TGFBR3: variants seen among roughly 807,000 people sequenced by gnomAD.
TGFBR3 encodes transforming growth factor beta receptor 3, also known as transforming growth factor beta receptor type 3.
Under a neutral mutation model 87.9 loss-of-function variants are expected in TGFBR3, and 46 were observed. The ratio of observed to expected loss-of-function variants is 0.52; its 90% confidence interval spans 0.41 to 0.67. The LOEUF (loss-of-function observed/expected upper bound fraction) is 0.67. Ranked by LOEUF, TGFBR3 falls within the 30% of genes least tolerant of loss-of-function variation. TGFBR3 has a pLI of 0.00. For synonymous variants in TGFBR3, 381 were observed against 391.6 expected (o/e 0.97, Z 0.32); for missense variants, 866 against 1,041.9 (o/e 0.83, Z 2.32).
chr1:91,688,675 G>A lies in TGFBR3; in HGVS notation c.2438-4818C>T, dbSNP rs145317693. On this transcript the variant is annotated intron_variant, in intron 16 of 16. Coordinates refer to ENST00000212355, the MANE Select transcript of TGFBR3 (RefSeq NM_003243.5). ...CTGAAGTTTTGAATTAGGTGTGCCC[G>A]TCCCAACTCATCAGGCAGTTTTCAA... is the stretch of plus-strand genomic sequence containing the variant. 5.0e-3 allele frequency among the ~76,000 whole-genome samples: 760 copies of A among 152,212 alleles called. 5 individuals carry two copies. Among genetic ancestry groups the A allele is most frequent in the Non-Finnish European group, 8.8e-3 (600 of 68,016 alleles).
At chr1:91,798,692 G>A (rs920746199) in intron 2 of TGFBR3, among the ~76,000 whole-genome samples, 1 of 152,124 alleles carries the variant, frequency 6.6e-6, no homozygotes, top group African/African-American at 2.4e-5. Context: ...AGGGCTGTGG[G>A]TACTCATCTT....
intron 2 of TGFBR3, among the ~76,000 whole-genome samples, chr1:91,813,160 T>C (rs1490995762): frequency 1.3e-5 from 2 of 152,216 alleles, no homozygotes; most frequent in East Asian, 3.8e-4. Context: ...TCCTTCATGA[T>C]GCACAAACCT....
chr1:91,745,893 T>C (rs372345520), intron 4 of TGFBR3, among the ~76,000 whole-genome samples: 1 of 152,234 alleles, frequency 6.6e-6, no homozygotes, highest in Non-Finnish European at 1.5e-5. Flanking sequence ...CATGCATTCA[T>C]GAAACACAAA....
At chr1:91,707,304 C>T (rs1671830219) in intron 14 of TGFBR3, among the ~76,000 whole-genome samples, 1 of 152,196 alleles carries the variant, frequency 6.6e-6, no homozygotes. Context: ...TTTGAGGGAG[C>T]ACATTCATTC....
intron 2 of TGFBR3, among the ~76,000 whole-genome samples, chr1:91,896,413 G>A (rs138848519): frequency 2.0e-5 from 3 of 152,308 alleles, no homozygotes; most frequent in African/African-American, 7.2e-5. Flanking sequence ...AAGGTTCTGA[G>A]TGTTATGCAG....
intron 2 of TGFBR3, among the ~76,000 whole-genome samples, chr1:91,804,849 C>T (rs1024468038): frequency 3.3e-5 from 5 of 152,182 alleles, no homozygotes; most frequent in African/African-American, 9.7e-5. Flanking sequence ...GTCTTCCCTA[C>T]GCAATCTCTT....
At chr1:91,813,158 G>A (rs1557724256) in intron 2 of TGFBR3, among the ~76,000 whole-genome samples, 1 of 152,090 alleles carries the variant, frequency 6.6e-6, no homozygotes, top group Non-Finnish European at 1.5e-5. Flanking sequence ...CTTCCTTCAT[G>A]ATGCACAAAC....
chr1:91,875,780 CGGGCGGG>C (rs1678769104), intron 1 of TGFBR3, among the ~76,000 whole-genome samples: 1 of 6,892 alleles, frequency 1.5e-4, no homozygotes, highest in Non-Finnish European at 3.4e-4. Flanking sequence ...CCCAGCTACT[CGGGCGGG>C]GGGGGGGGGT....
At chr1:91,808,515 G>A (rs1022585664) in intron 2 of TGFBR3, among the ~76,000 whole-genome samples, 6 of 152,134 alleles carry the variant, frequency 3.9e-5, no homozygotes, top group Admixed American at 1.3e-4. Context: ...GCCCAGGCTG[G>A]AGCACAGTGG....
chr1:91,786,447 T>C (rs1438268326), intron 3 of TGFBR3, among the ~76,000 whole-genome samples: 2 of 152,034 alleles, frequency 1.3e-5, no homozygotes, highest in East Asian at 1.9e-4. Context: ...TGGCCAAATA[T>C]AGGGTTTAAA....
intron 16 of TGFBR3, among the ~76,000 whole-genome samples, chr1:91,693,855 T>C (rs559117466): frequency 6.6e-6 from 1 of 152,208 alleles, no homozygotes; most frequent in Non-Finnish European, 1.5e-5. Context: ...GATCTGAACA[T>C]GTCGGTATTC....
chr1:91,731,009 C>T (rs1483619785), intron 5 of TGFBR3, among the ~76,000 whole-genome samples: 1 of 152,214 alleles, frequency 6.6e-6, no homozygotes, highest in African/African-American at 2.4e-5. Flanking sequence ...TTTCCATCCA[C>T]GGGCTTAAAT....
At chr1:91,701,983 C>T (rs1476788851) in intron 14 of TGFBR3, among the ~76,000 whole-genome samples, 1 of 152,128 alleles carries the variant, frequency 6.6e-6, no homozygotes, top group African/African-American at 2.4e-5. Context: ...GTGTGTCTCA[C>T]GTGGTGGGTG....
intron 2 of TGFBR3, among the ~76,000 whole-genome samples, chr1:91,830,839 A>G (rs546104612): frequency 6.6e-6 from 1 of 152,148 alleles, no homozygotes; most frequent in East Asian, 1.9e-4. Flanking sequence ...TGGAAAAGTG[A>G]GTGTGGAGTT....
chr1:91,684,935 A>G (rs185790310), intron 16 of TGFBR3, among the ~76,000 whole-genome samples: 7 of 152,306 alleles, frequency 4.6e-5, no homozygotes, highest in African/African-American at 1.7e-4. Context: ...GCTGAAATAC[A>G]CATCTATCAG....
chr1:91,703,137 T>C (rs1191267898), intron 14 of TGFBR3, among the ~76,000 whole-genome samples: 1 of 152,168 alleles, frequency 6.6e-6, no homozygotes, highest in African/African-American at 2.4e-5. Flanking sequence ...ATGAATGCCC[T>C]GGTCTGTCAA....
intron 2 of TGFBR3, among the ~76,000 whole-genome samples, chr1:91,806,671 G>T (rs1436224792): frequency 6.6e-6 from 1 of 152,170 alleles, no homozygotes; most frequent in Non-Finnish European, 1.5e-5. Context: ...TGTAATAAAA[G>T]TGGTAAAGAT....
chr1:91,727,475 C>A (rs1571447070), intron 7 of TGFBR3, among the ~76,000 whole-genome samples, 184 bp downstream of exon 7: 1 of 152,198 alleles, frequency 6.6e-6, no homozygotes, highest in East Asian at 1.9e-4. Context: ...CCGTCTTAAT[C>A]CAAGGCCATG....
chr1:91,875,711 A>G (rs763144607), intron 1 of TGFBR3, among the ~76,000 whole-genome samples: 1 of 146,912 alleles, frequency 6.8e-6, no homozygotes, highest in Non-Finnish European at 1.5e-5. Context: ...AACATGGCAA[A>G]ACCTTGTCTC....
Sources: gnomAD v4.1 joint callset for allele counts (sites outside exome capture counted in the v4.1 genomes callset) on GRCh38, gnomAD v4.1.1 for gene constraint, MANE v1.5 for transcripts, NCBI Gene and HGNC (gene_info 2026-07-23, HGNC 2026-07-21) for gene names.